The following TTLL9 variants were observed in gnomAD, a reference collection of about 807,000 sequenced individuals.
TTLL9 encodes the protein tubulin tyrosine ligase like 9, also known as probable tubulin polyglutamylase TTLL9.
Under a neutral mutation model 65.6 loss-of-function variants are expected in TTLL9, and 47 were observed. That is an observed-to-expected ratio of 0.72 (90% CI 0.57 to 0.91). The LOEUF (loss-of-function observed/expected upper bound fraction) is 0.91. Ranked by LOEUF, TTLL9 falls within the 40% of genes least tolerant of loss-of-function variation. The probability of loss-of-function intolerance (pLI) is 0.00; values close to 1 mark genes in which losing one functional copy is unlikely to be tolerated. For missense variants in TTLL9, 537 were observed against 568.8 expected, an observed-to-expected ratio of 0.94 and a Z score of 0.57; for synonymous variants, 179 against 204.8, an observed-to-expected ratio of 0.87 and a Z score of 1.07.
chr20:31,892,004 T>C (rs2063314390), intron 3 of TTLL9, among the ~76,000 whole-genome samples: 1 of 151,918 alleles, frequency 6.6e-6, no homozygotes, highest in Admixed American at 6.6e-5. Flanking sequence ...GGTTTCACCA[T>C]GTTGGCCAGG....
At chr20:31,887,016 G>T (rs949364347) in intron 2 of TTLL9, among the ~76,000 whole-genome samples, 180 bp from the exon 3 acceptor site, 12 of 152,250 alleles carry the variant, frequency 7.9e-5, no homozygotes, top group Middle Eastern at 3.4e-3. Context: ...ATAAATTCTG[G>T]TCCATTTGCT....
At chr20:31,935,369 C>T (rs1052372862) in intron 12 of TTLL9, among the ~76,000 whole-genome samples, 4 of 152,200 alleles carry the variant, frequency 2.6e-5, no homozygotes, top group African/African-American at 9.6e-5. Flanking sequence ...ACGATGGCCT[C>T]ACATGATGCA....
chr20:31,930,190 A>C (rs1207482838), intron 10 of TTLL9, among the ~76,000 whole-genome samples: 1 of 151,776 alleles, frequency 6.6e-6, no homozygotes, highest in Non-Finnish European at 1.5e-5. Context: ...TTTCATCCCA[A>C]CTCCCCAGTC....
intron 6 of TTLL9, among the ~76,000 whole-genome samples, chr20:31,918,063 G>A (rs1214506157): frequency 6.6e-6 from 1 of 151,988 alleles, no homozygotes; most frequent in Non-Finnish European, 1.5e-5. Context: ...GGAAAGGAAT[G>A]TGCTTATTAA....
At chr20:31,920,275 A>G (rs537771022) in intron 7 of TTLL9, among the ~76,000 whole-genome samples, 70 of 151,994 alleles carry the variant, frequency 4.6e-4, no homozygotes, top group African/African-American at 1.7e-3. Flanking sequence ...CCACACACCC[A>G]GCACAGTGCC....
intron 9 of TTLL9, 112 bp downstream of exon 9, chr20:31,925,161 C>A: frequency 8.4e-7 from 1 of 1,184,770 alleles, no homozygotes; most frequent in Non-Finnish European, 1.2e-6. Flanking sequence ...CTGGTTTTAT[C>A]TCTCCCTGGG....
intron 6 of TTLL9, among the ~76,000 whole-genome samples, chr20:31,918,285 A>G (rs2063767799): frequency 6.6e-6 from 1 of 152,156 alleles, no homozygotes; most frequent in African/African-American, 2.4e-5. Flanking sequence ...TGTTTGTCCG[A>G]GATGACGAGA....
At position 31,909,865 on chromosome 20, in the gene TTLL9, C is replaced by T. The variant is rs1468882447; in HGVS notation, c.447C>T (p.Tyr149=). The change falls in exon 6 of 15, where the codon TAC becomes TAT. Residue 149 remains tyrosine (Y), a synonymous_variant. Coordinates refer to ENST00000535842, the MANE Select transcript of TTLL9 (RefSeq NM_001008409.5). Reference sequence around the variant, plus strand: ...AAACCTTTGAGATGCCTTGCGAGTACCACCTGTTTGTAGAGGAGTTTCGCA... The same window carrying T: ...AAACCTTTGAGATGCCTTGCGAGTATCACCTGTTTGTAGAGGAGTTTCGCA... The part of the protein sequence containing the change: ...FPKTFEMPCE[Y]HLFVEEFRKN... 1 of 1,614,140 alleles carries T rather than the reference C, an allele frequency of 6.2e-7. No individual in the cohort carries two copies. The highest frequency in any genetic ancestry group is 1.6e-4 in the Middle Eastern group (1 of 6,062).
Position 31,933,746 on chromosome 20 carries a change from G to A in TTLL9, c.749-54G>A, listed in dbSNP as rs2064057997. 4 of 1,577,580 alleles carry A rather than the reference G, an allele frequency of 2.5e-6. No homozygotes were observed. The South Asian group carries it at 3.4e-5, about 13-fold the overall frequency. On this transcript the variant is annotated intron_variant, in intron 10 of 14. Transcript: ENST00000535842. ...CAGTTCAGTCCTGGGGACTTCGTGG[G>A]GCAGAGCTCACCCTTTTTGTTCACG...
At chr20:31,932,221 C>T (rs1394057384) in intron 10 of TTLL9, among the ~76,000 whole-genome samples, 1 of 152,136 alleles carries the variant, frequency 6.6e-6, no homozygotes, top group African/African-American at 2.4e-5. Flanking sequence ...CCTGTAATCC[C>T]AGTACTTTGG....
chr20:31,917,754 TAAAG>T (rs1238228444), intron 6 of TTLL9, among the ~76,000 whole-genome samples: 1 of 152,088 alleles, frequency 6.6e-6, no homozygotes, highest in East Asian at 1.9e-4. Flanking sequence ...GTGTAAGAAT[TAAAG>T]AAAGAGGAGA....
At chr20:31,873,820 G>GAAA (rs1568723200) in intron 2 of TTLL9, among the ~76,000 whole-genome samples, 914 of 54,600 alleles carry the variant, frequency 0.017, 7 homozygotes, top group Middle Eastern at 0.033. Flanking sequence ...AAGGAAGGAA[G>GAAA]GAAGAAAGAA....
chr20:31,916,862 A>G (rs2063742434), intron 6 of TTLL9, among the ~76,000 whole-genome samples: 1 of 152,140 alleles, frequency 6.6e-6, no homozygotes, highest in South Asian at 2.1e-4. Flanking sequence ...CTCTGAGCAA[A>G]TGTCTCCTTA....
chr20:31,873,660 A>G (rs6058476), intron 2 of TTLL9, among the ~76,000 whole-genome samples: 25 of 137,404 alleles, frequency 1.8e-4, no homozygotes, highest in African/African-American at 5.4e-4. Context: ...AAAAAAAGAC[A>G]AAAGAAAGAA....
chr20:31,874,561 A>G (rs2063011216), intron 2 of TTLL9, among the ~76,000 whole-genome samples: 1 of 151,972 alleles, frequency 6.6e-6, no homozygotes, highest in African/African-American at 2.4e-5. Flanking sequence ...ACAGGTGCCC[A>G]CCCATGCCTG....
chr20:31,928,861 G>A (rs1027880417), intron 10 of TTLL9, among the ~76,000 whole-genome samples: 11 of 152,184 alleles, frequency 7.2e-5, no homozygotes, highest in African/African-American at 2.7e-4. Flanking sequence ...AAGGATGTTC[G>A]TGATTCACCA....
At chr20:31,925,203 G>T (rs2063880133) in intron 9 of TTLL9, among the ~76,000 whole-genome samples, 154 bp downstream of exon 9, 2 of 151,958 alleles carry the variant, frequency 1.3e-5, no homozygotes, top group Admixed American at 6.6e-5. Flanking sequence ...GGATAGGGTG[G>T]GGGCAGGGAG....
Position 31,943,096 on chromosome 20 carries a change from AG to A in TTLL9, c.*76del, listed in dbSNP as rs1171149903. The stretch of plus-strand genomic sequence containing the variant: ...CCCCCCCACTCCCAGATCCCAGCAC[AG>A]CACCTCACAGCATTCGCCTCCCCAC... On this transcript the variant is annotated 3_prime_UTR_variant, in exon 15 of 15. Transcript: ENST00000535842. The A allele has an allele frequency of 2.2e-6, 3 of 1,358,288 alleles. No homozygotes were observed. Among genetic ancestry groups the A allele is most frequent in the Non-Finnish European group, 2.1e-6 (2 of 953,478 alleles). 84.1% of individuals were successfully genotyped at this position (1,358,288 alleles called of 1,614,324 possible).
intron 3 of TTLL9, among the ~76,000 whole-genome samples, chr20:31,897,358 C>A (rs377373707): frequency 7.2e-5 from 11 of 152,176 alleles, no homozygotes; most frequent in East Asian, 3.8e-4. Context: ...TACCTGCGGG[C>A]TCCATAGCGG....
Sources: allele counts gnomAD v4.1 joint callset (sites outside exome capture counted in the v4.1 genomes callset), GRCh38; gene constraint gnomAD v4.1.1; transcripts MANE v1.5; gene names NCBI Gene and HGNC (gene_info 2026-07-23, HGNC 2026-07-21).